Variants in NUP93 observed in about 807,000 individuals in gnomAD.
The protein encoded by NUP93 is nuclear pore complex protein Nup93.
A neutral mutation model predicts 107.8 loss-of-function variants in NUP93; 55 were observed. The observed-to-expected ratio is 0.51, with a 90% CI of 0.41 to 0.64. NUP93 has a LOEUF of 0.64. NUP93 is among the 30% of genes least tolerant of loss of function. NUP93 has a pLI of 0.00. For missense variants in NUP93, 937 were observed against 1,044.7 expected, an observed-to-expected ratio of 0.90 and a Z score of 1.42; for synonymous variants, 390 against 397.5, an observed-to-expected ratio of 0.98 and a Z score of 0.22.
At chr16:56,837,480 T>G in intron 17 of NUP93, 128 bp from the exon 18 acceptor site, 1 of 686,982 alleles carries the variant, frequency 1.5e-6, no homozygotes, top group Non-Finnish European at 2.5e-6. Flanking sequence ...CGAGAATTGC[T>G]TGAACTTGGG....
chr16:56,781,679 C>T (rs776864558), intron 3 of NUP93: 15 of 213,488 alleles, frequency 7.0e-5, no homozygotes, highest in Middle Eastern at 2.4e-3. Flanking sequence ...CGGAAGTCAT[C>T]AAAGATTCAC....
In NUP93 at chr16:56,806,218, C is replaced by T. The variant is rs369246873; in HGVS notation, c.489+586C>T. 2.8e-4 allele frequency among the ~76,000 whole-genome samples: 42 copies of T among 151,646 alleles called. 2 individuals carry two copies. The highest frequency in any genetic ancestry group is 2.1e-3 in the East Asian group (11 of 5,150). ...GTTTTTCACTTGCTCAGATCAGACA[C>T]CTCAGCCTCACTTTTGTCCTCTCCA... On this transcript the variant is annotated intron_variant, in intron 5 of 21. Coordinates refer to ENST00000308159, the MANE Select transcript of NUP93 (RefSeq NM_014669.5).
chr16:56,826,814 G>A (rs751445093), intron 8 of NUP93, among the ~76,000 whole-genome samples: 4 of 151,700 alleles, frequency 2.6e-5, no homozygotes, highest in East Asian at 3.9e-4. Context: ...TTGAGAGGCC[G>A]AGGCGGGCAG....
chr16:56,757,112 GT>G (rs1962038644), intron 2 of NUP93, among the ~76,000 whole-genome samples: 1 of 152,178 alleles, frequency 6.6e-6, no homozygotes, highest in South Asian at 2.1e-4. Context: ...ATCTGTTGCT[GT>G]AGTATTTATT....
chr16:56,755,384 A>T (rs1475230146), intron 2 of NUP93, among the ~76,000 whole-genome samples: 1 of 151,084 alleles, frequency 6.6e-6, no homozygotes, highest in Non-Finnish European at 1.5e-5. Flanking sequence ...ATATTGTGTG[A>T]TTGCATTTAT....
intron 5 of NUP93, among the ~76,000 whole-genome samples, chr16:56,812,799 A>G (rs1232539573): frequency 6.6e-6 from 1 of 152,238 alleles, no homozygotes; most frequent in Non-Finnish European, 1.5e-5. Flanking sequence ...TGTGATGTGA[A>G]TAAAAATGAT....
In NUP93 at chr16:56,836,999, C is replaced by T. The variant is rs755973713; in HGVS notation, c.1899+282C>T. Among the ~76,000 whole-genome samples the T allele has an allele frequency of 2.0e-5, 3 of 152,186 alleles. No individual in the cohort carries two copies. In the East Asian group the frequency reaches 5.8e-4, roughly 29 times the overall value. On this transcript the variant is annotated intron_variant, in intron 17 of 21. Transcript: ENST00000308159. ...AGCAGAATTAGCATCCATCACATTTCGATGGTGAAGCCACTGTTGAAAATT... is the reference window on the plus strand; with the variant it reads ...AGCAGAATTAGCATCCATCACATTTTGATGGTGAAGCCACTGTTGAAAATT...
In NUP93 at chr16:56,834,318, A is replaced by G. The variant is rs141843775; in HGVS notation, c.1665-52A>G. 947 of 1,613,854 alleles carry G rather than the reference A, an allele frequency of 5.9e-4. 3 individuals carry two copies. In the African/African-American group the frequency reaches 9.6e-3, roughly 16 times the overall value. The stretch of plus-strand genomic sequence containing the variant: ...AATTTCTGCCATTCTGAGAATGACT[A>G]TTAGAGACCTCATGTCCAGACTGGA... On this transcript the variant is annotated intron_variant, in intron 14 of 21. Transcript: ENST00000308159.
At chr16:56,792,542 CA>C (rs1301732272) in intron 3 of NUP93, among the ~76,000 whole-genome samples, 1 of 152,206 alleles carries the variant, frequency 6.6e-6, no homozygotes, top group Non-Finnish European at 1.5e-5. Context: ...CCGTTTTGTA[CA>C]GCTCACTCAA....
intron 1 of NUP93, among the ~76,000 whole-genome samples, chr16:56,744,417 G>A (rs1208129871): frequency 1.3e-5 from 2 of 152,124 alleles, no homozygotes; most frequent in Non-Finnish European, 1.5e-5. Context: ...GCATTTTAGC[G>A]CAGTGGGATG....
chr16:56,770,837 G>T (rs1234252959), intron 3 of NUP93, among the ~76,000 whole-genome samples: 5 of 152,052 alleles, frequency 3.3e-5, no homozygotes, highest in Admixed American at 3.3e-4. Flanking sequence ...GCCGAGGCTG[G>T]TGGATCACGA....
intron 20 of NUP93, among the ~76,000 whole-genome samples, chr16:56,840,770 C>G (rs1157793236): frequency 6.6e-6 from 1 of 152,160 alleles, no homozygotes; most frequent in African/African-American, 2.4e-5. Flanking sequence ...CTGAGGCGGA[C>G]TGATCACCTG....
rs1156778346 is a variant in NUP93, at chr16:56,815,893, CTGCTGG to C, written c.490-2765_490-2760del. Among the ~76,000 whole-genome samples, 567 of 137,954 alleles carry C rather than the reference CTGCTGG, an allele frequency of 4.1e-3. 3 individuals carry two copies. Among genetic ancestry groups the C allele is most frequent in the African/African-American group, 0.013 (518 of 39,122 alleles). 90.5% of individuals were successfully genotyped at this position (137,954 alleles called of 152,430 possible). ...GCTGCTGCTGCTGCTGCTGCTGCTGCTGCTGGTGCTGCTGCTGCTGCTGGTGCTGCT... is the reference window on the plus strand; with the variant it reads ...GCTGCTGCTGCTGCTGCTGCTGCTGCTGCTGCTGCTGCTGCTGGTGCTGCT... On this transcript the variant is annotated intron_variant, in intron 5 of 21. Transcript: ENST00000308159.
intron 1 of NUP93, among the ~76,000 whole-genome samples, chr16:56,739,888 A>C (rs75503741): frequency 1.3e-4 from 3 of 23,922 alleles, no homozygotes; most frequent in East Asian, 4.3e-3. Context: ...GCGGCTGGCC[A>C]GGCGGGGGGC....
chr16:56,766,976 T>C (rs1375811846), intron 3 of NUP93, among the ~76,000 whole-genome samples: 1 of 152,210 alleles, frequency 6.6e-6, no homozygotes, highest in Non-Finnish European at 1.5e-5. Flanking sequence ...TAAGAACCAG[T>C]GTGTATCGCT....
chr16:56,837,742 G>T lies in NUP93; in HGVS notation c.2018+16G>T. On this transcript the variant is annotated intron_variant, in intron 18 of 21. Transcript: ENST00000308159. ...TTGCCGAACGGTAAGCCAGGAGCTG[G>T]CTCCATGGGACCCTGAGGGTGCCAC... 4.4e-6 allele frequency: 7 copies of T among 1,602,094 alleles called. No individual in the cohort carries two copies. Among genetic ancestry groups the T allele is most frequent in the Non-Finnish European group, 6.0e-6 (7 of 1,170,390 alleles).
At chr16:56,806,884 A>C (rs570642902) in intron 5 of NUP93, among the ~76,000 whole-genome samples, 2 of 152,324 alleles carry the variant, frequency 1.3e-5, no homozygotes, top group Admixed American at 1.3e-4. Context: ...GGGCCATCTT[A>C]GAGGCTGCTG....
intron 1 of NUP93, among the ~76,000 whole-genome samples, chr16:56,743,723 C>T (rs527447093): frequency 9.2e-5 from 14 of 152,264 alleles, no homozygotes; most frequent in Admixed American, 7.2e-4. Context: ...TGCCAGCCCC[C>T]TTGAAGCCTT....
At chr16:56,746,003 C>T (rs2144451751) in intron 1 of NUP93, among the ~76,000 whole-genome samples, 1 of 152,138 alleles carries the variant, frequency 6.6e-6, no homozygotes, top group Admixed American at 6.5e-5. Context: ...CTTCCTTTAT[C>T]TTTTTTTGTC....
Sources: gnomAD v4.1 joint callset for allele counts (sites outside exome capture counted in the v4.1 genomes callset) on GRCh38, gnomAD v4.1.1 for gene constraint, MANE v1.5 for transcripts, NCBI Gene and HGNC (gene_info 2026-07-23, HGNC 2026-07-21) for gene names.